TCF7: variants seen among roughly 807,000 people sequenced by gnomAD.
The protein encoded by TCF7 is transcription factor 7.
Under a neutral mutation model 46.8 loss-of-function variants are expected in TCF7, and 19 were observed. That is an observed-to-expected ratio of 0.41 (90% CI 0.28 to 0.60). The LOEUF is 0.60. Among genes scored for constraint, TCF7 ranks in the 20% least tolerant of loss-of-function variants. The pLI is 0.35. For missense variants in TCF7, 547 were observed against 504.6 expected (o/e 1.08, Z -0.81); for synonymous variants, 245 against 213.4 (o/e 1.15, Z -1.29).
chr5:134,115,447 C>A (rs1002856179), intron 2 of TCF7, 60 bp downstream of exon 2: 1 of 1,545,118 alleles, frequency 6.5e-7, no homozygotes, highest in African/African-American at 1.4e-5. Context: ...CTCGGTGGGA[C>A]GGGGACGCCA....
At chr5:134,143,702 C>T in intron 9 of TCF7, 62 bp downstream of exon 9, 2 of 1,599,678 alleles carry the variant, frequency 1.3e-6, no homozygotes, top group Non-Finnish European at 8.5e-7. Context: ...AAGAGCAGCC[C>T]TCCTCTGACC....
chr5:134,146,176 CTA>C lies in TCF7; in HGVS notation c.1076-46_1076-45del, dbSNP rs1489965267. 13 of 1,614,086 alleles carry C rather than the reference CTA, an allele frequency of 8.1e-6. No individual in the cohort carries two copies. The East Asian group carries it at 1.8e-4, about 22-fold the overall frequency. Reference sequence around the variant, plus strand: ...AGCATTTTTTGGTTGTGGTGTATGACTATGAATTCACCCTCTGTTTACAGATA... The same window carrying C: ...AGCATTTTTTGGTTGTGGTGTATGACTGAATTCACCCTCTGTTTACAGATA... On this transcript the variant is annotated intron_variant, in intron 9 of 9. Transcript: ENST00000342854.
At chr5:134,143,147 A>T in intron 8 of TCF7, 47 bp downstream of exon 8, 1 of 1,536,546 alleles carries the variant, frequency 6.5e-7, no homozygotes. Flanking sequence ...GGACCCTTTG[A>T]GATACCATGC....
In TCF7 at chr5:134,146,459, C is replaced by T. The variant is rs1232321626; in HGVS notation, c.*156C>T. The T allele has an allele frequency of 1.2e-6, 1 of 829,548 alleles. No homozygotes were observed. Among genetic ancestry groups the T allele is most frequent in the Admixed American group, 1.9e-5 (1 of 51,302 alleles). 51.4% of individuals were successfully genotyped at this position (829,548 alleles called of 1,614,324 possible). A position where few individuals can be genotyped will look rare whatever the true frequency, so the allele number is the denominator to read the frequency against. ...CCCAACCCCAGGGCCCCCACAGGCC[C>T]CCCGCAGCACCCTGCAGAGCACACA... On this transcript the variant is annotated 3_prime_UTR_variant, in exon 10 of 10. Transcript: ENST00000342854.
intron 3 of TCF7, among the ~76,000 whole-genome samples, chr5:134,118,944 G>A (rs1022104835): frequency 1.3e-5 from 2 of 152,154 alleles, no homozygotes; most frequent in African/African-American, 4.8e-5. Flanking sequence ...ACAATGCCCG[G>A]CTAAGTTTGT....
intron 9 of TCF7, chr5:134,145,862 C>T (rs750746942): frequency 2.4e-5 from 39 of 1,602,134 alleles, no homozygotes; most frequent in Non-Finnish European, 3.1e-5. Context: ...GCATTGCGGC[C>T]CCTTGCCTTG....
chr5:134,134,466 G>C (rs866192566), intron 3 of TCF7, among the ~76,000 whole-genome samples: 3 of 152,376 alleles, frequency 2.0e-5, no homozygotes, highest in Middle Eastern at 3.4e-3. Context: ...TAGGCCCTGA[G>C]GCTCAGTCTC....
chr5:134,136,992 C>T (rs1210503820), intron 3 of TCF7, among the ~76,000 whole-genome samples: 3 of 152,346 alleles, frequency 2.0e-5, no homozygotes, highest in Middle Eastern at 3.4e-3. Context: ...GGCCCTGACC[C>T]GTGCAGATGT....
In TCF7 at chr5:134,115,345, C is replaced by G. The variant is rs1281696246; in HGVS notation, c.274C>G (p.Gln92Glu). The G allele has an allele frequency of 2.5e-6, 4 of 1,600,306 alleles. No individual in the cohort carries two copies. Among genetic ancestry groups the G allele is most frequent in the Non-Finnish European group, 3.4e-6 (4 of 1,174,364 alleles). Residue 92 changes from glutamine (Q) to glutamate (E), a missense_variant, in exon 2 of 10, where the codon CAG becomes GAG. Transcript: ENST00000342854. ...GGCTCTCGGGCGGGAACACGCTGCGCAGAGACTCTTCCCGGACAAACTTCC... is the reference window on the plus strand; with the variant it reads ...GGCTCTCGGGCGGGAACACGCTGCGGAGAGACTCTTCCCGGACAAACTTCC... Reference protein sequence around the residue: ...AEALGREHAAQRLFPDKLPEP... With the variant: ...AEALGREHAAERLFPDKLPEP...
At chr5:134,144,080 A>C in intron 9 of TCF7, 1 of 170,472 alleles carries the variant, frequency 5.9e-6, no homozygotes, top group Non-Finnish European at 1.3e-5. Context: ...GCAATTTATC[A>C]CCCCCACTTC....
chr5:134,123,737 T>C (rs1408767072), intron 3 of TCF7: 3 of 456,200 alleles, frequency 6.6e-6, no homozygotes, highest in Non-Finnish European at 1.3e-5. Flanking sequence ...GATGGGCGCA[T>C]GCAGCATGTT....
At chr5:134,136,504 C>G (rs116358247) in intron 3 of TCF7, among the ~76,000 whole-genome samples, 1 of 152,016 alleles carries the variant, frequency 6.6e-6, no homozygotes, top group African/African-American at 2.4e-5. Context: ...GGCTGTAGCC[C>G]GGAGGCAGGA....
intron 3 of TCF7, among the ~76,000 whole-genome samples, chr5:134,127,239 G>A (rs765857290): frequency 1.1e-4 from 17 of 152,182 alleles, no homozygotes; most frequent in Non-Finnish European, 1.8e-4. Flanking sequence ...CATAGCTCTG[G>A]GCCTGGGTCA....
rs79239920 is a variant in TCF7 at position 134,116,215 on chromosome 5, G to T, written c.441+182G>T. 4,459 of 1,341,804 alleles carry T rather than the reference G, an allele frequency of 3.3e-3. 121 individuals carry two copies. The African/African-American group carries it at 0.059, about 18-fold the overall frequency. The allele number at this position is 1,341,804 out of a possible 1,614,324, so 83.1% of individuals were successfully genotyped here. Reference sequence around the variant, plus strand: ...GAGAACTTTGCTGAAGGAAGGAGGGGCCGCCCTGGGGCACCCCCCTGCCCT... The same window carrying T: ...GAGAACTTTGCTGAAGGAAGGAGGGTCCGCCCTGGGGCACCCCCCTGCCCT... On this transcript the variant is annotated intron_variant, in intron 3 of 9. Transcript: ENST00000342854.
intron 3 of TCF7, among the ~76,000 whole-genome samples, chr5:134,127,088 T>C (rs1380414380): frequency 6.6e-6 from 1 of 152,166 alleles, no homozygotes; most frequent in Non-Finnish European, 1.5e-5. Context: ...TGCTGTACAA[T>C]GTGTGGAGAT....
chr5:134,132,691 A>C (rs1349886640), intron 3 of TCF7, among the ~76,000 whole-genome samples: 1 of 150,606 alleles, frequency 6.6e-6, no homozygotes, highest in Non-Finnish European at 1.5e-5. Context: ...GTCTACAGGG[A>C]AAATGCCGAC....
intron 8 of TCF7, 84 bp from the exon 9 acceptor site, chr5:134,143,507 AG>A (rs1161940270): frequency 6.4e-7 from 1 of 1,564,166 alleles, no homozygotes; most frequent in South Asian, 1.1e-5. Flanking sequence ...CCAGAATCCC[AG>A]GGTTACCCAA....
intron 1 of TCF7, 39 bp downstream of exon 1, chr5:134,115,194 C>G: frequency 9.1e-7 from 1 of 1,097,864 alleles, no homozygotes; most frequent in Non-Finnish European, 1.1e-6. Flanking sequence ...CCCGCGGTCG[C>G]CGCGCCGCGC....
chr5:134,119,342 C>T (rs1455884454), intron 3 of TCF7, among the ~76,000 whole-genome samples: 1 of 152,096 alleles, frequency 6.6e-6, no homozygotes, highest in African/African-American at 2.4e-5. Flanking sequence ...AAGAGGGGCC[C>T]AGGGAGCGAC....
Sources: gnomAD v4.1 joint callset for allele counts (sites outside exome capture counted in the v4.1 genomes callset) on GRCh38, gnomAD v4.1.1 for gene constraint, MANE v1.5 for transcripts, NCBI Gene and HGNC (gene_info 2026-07-23, HGNC 2026-07-21) for gene names.